ATP10B: variants seen among roughly 807,000 people sequenced by gnomAD.
The protein encoded by ATP10B is phospholipid-transporting ATPase VB.
A neutral mutation model predicts 141.2 loss-of-function variants in ATP10B; 122 were observed. The ratio of observed to expected loss-of-function variants is 0.86; its 90% confidence interval spans 0.75 to 1.00. ATP10B has a LOEUF of 1.00. ATP10B is among the 50% of genes least tolerant of loss of function. The probability of loss-of-function intolerance (pLI) is 0.00; values close to 1 mark genes in which losing one functional copy is unlikely to be tolerated. For missense variants in ATP10B, 1,876 were observed against 1,825.3 expected (o/e 1.03, Z -0.51); for synonymous variants, 685 against 692.0 (o/e 0.99, Z 0.16).
chr5:160,683,302 G>A (rs1322349327), intron 6 of ATP10B, among the ~76,000 whole-genome samples: 6 of 152,156 alleles, frequency 3.9e-5, no homozygotes, highest in Admixed American at 2.6e-4. Context: ...GTGCAACTGT[G>A]TCCCTCCAAG....
upstream of ATP10B, among the ~76,000 whole-genome samples, chr5:160,854,900 G>C (rs1470509434): frequency 1.3e-5 from 2 of 152,054 alleles, no homozygotes; most frequent in Non-Finnish European, 2.9e-5. Context: ...TATTCTACGA[G>C]AGAGAAAATG....
chr5:160,845,833 CTG>C (rs1776085776), intron 1 of ATP10B, among the ~76,000 whole-genome samples: 1 of 152,046 alleles, frequency 6.6e-6, no homozygotes, highest in South Asian at 2.1e-4. Context: ...ACACCAAAGA[CTG>C]TTAATTATTG....
intron 1 of ATP10B, among the ~76,000 whole-genome samples, chr5:160,838,357 C>G (rs1775593728): frequency 1.3e-5 from 2 of 152,150 alleles, no homozygotes; most frequent in South Asian, 4.1e-4. Context: ...TGGAAAGAAT[C>G]TAGAGAAAAA....
the ATP10B span, among the ~76,000 whole-genome samples, chr5:160,874,739 A>G: frequency 1.3e-5 from 2 of 152,238 alleles, no homozygotes; most frequent in South Asian, 2.1e-4. Flanking sequence ...TGAAGAATGC[A>G]GAAGCCTCAG....
intron 24 of ATP10B, among the ~76,000 whole-genome samples, chr5:160,579,003 G>A (rs1375025019): frequency 6.6e-6 from 1 of 152,148 alleles, no homozygotes; most frequent in Non-Finnish European, 1.5e-5. Context: ...ATCTGTTCAT[G>A]TCCTTTGTGT....
chr5:160,687,089 G>A, intron 5 of ATP10B: 1 of 328,882 alleles, frequency 3.0e-6, no homozygotes, highest in Non-Finnish European at 4.4e-6. Flanking sequence ...TCTCTTTCAT[G>A]TTGTACTTCA....
At chr5:160,855,158 G>T (rs1753964921), upstream of ATP10B, among the ~76,000 whole-genome samples, 1 of 152,046 alleles carries the variant, frequency 6.6e-6, no homozygotes, top group Admixed American at 6.6e-5. Flanking sequence ...TGCTTGTTTA[G>T]TATTTTAATC....
At chr5:160,602,790 G>A in intron 20 of ATP10B, 88 bp from the exon 21 acceptor site, 2 of 1,577,538 alleles carry the variant, frequency 1.3e-6, no homozygotes, top group Non-Finnish European at 1.7e-6. Flanking sequence ...TTTGGTCTAG[G>A]CCTACGGCCA....
intron 7 of ATP10B, among the ~76,000 whole-genome samples, chr5:160,661,923 T>C (rs1299755783): frequency 1.3e-5 from 2 of 152,220 alleles, no homozygotes; most frequent in African/African-American, 4.8e-5. Context: ...CAAAATCTCC[T>C]TAAGCTGACA....
chr5:160,686,025 G>A, intron 6 of ATP10B, 54 bp downstream of exon 6: 1 of 1,326,996 alleles, frequency 7.5e-7, no homozygotes, highest in Non-Finnish European at 1.0e-6. Flanking sequence ...AGGCTATGCT[G>A]ATGAGTTTGC....
intron 2 of ATP10B, among the ~76,000 whole-genome samples, chr5:160,773,984 C>T (rs1477520042): frequency 2.6e-5 from 4 of 152,270 alleles, no homozygotes; most frequent in Middle Eastern, 3.4e-3. Flanking sequence ...GGAGCTTTTG[C>T]GGAGTCATCA....
intron 2 of ATP10B, among the ~76,000 whole-genome samples, chr5:160,772,681 G>T (rs183797923): frequency 6.6e-6 from 1 of 152,136 alleles, no homozygotes; most frequent in Non-Finnish European, 1.5e-5. Context: ...GATCTGACAG[G>T]GGGTGGAGCT....
At chr5:160,611,016 T>TA (rs1286974614) in intron 18 of ATP10B, among the ~76,000 whole-genome samples, 1 of 152,218 alleles carries the variant, frequency 6.6e-6, no homozygotes, top group Non-Finnish European at 1.5e-5. Flanking sequence ...GTAACTACAT[T>TA]AAACTAGGGT....
At chr5:160,786,042 G>T (rs1771124629) in intron 1 of ATP10B, among the ~76,000 whole-genome samples, 1 of 152,146 alleles carries the variant, frequency 6.6e-6, no homozygotes, top group East Asian at 1.9e-4. Flanking sequence ...TGGTCCCAGA[G>T]ATCCTCAGCT....
intron 2 of ATP10B, among the ~76,000 whole-genome samples, chr5:160,737,747 G>A (rs192803434): frequency 1.0e-3 from 159 of 152,072 alleles, no homozygotes; most frequent in Non-Finnish European, 2.0e-3. Flanking sequence ...ATATTAAAAG[G>A]ATCAATCATT....
intron 19 of ATP10B, 62 bp downstream of exon 19, chr5:160,606,703 G>C: frequency 6.5e-7 from 1 of 1,536,206 alleles, no homozygotes. Context: ...CCCACCTCTG[G>C]TCCAGCCTTT....
chr5:160,900,092 T>C, the ATP10B span, among the ~76,000 whole-genome samples: 1 of 152,130 alleles, frequency 6.6e-6, no homozygotes, highest in Non-Finnish European at 1.5e-5. Flanking sequence ...GTAGCTCCTG[T>C]AGAAAATCCA....
chr5:160,728,608 T>C (rs1359875452), intron 2 of ATP10B, among the ~76,000 whole-genome samples: 2 of 152,168 alleles, frequency 1.3e-5, no homozygotes, highest in African/African-American at 4.8e-5. Context: ...TTTTAATTGG[T>C]GCCCTTTCCA....
In ATP10B at chr5:160,634,504, A is replaced by C. The variant is rs376197036; in HGVS notation, c.1231T>G (p.Leu411Val). The change falls in exon 12 of 26, where the codon TTA (leucine) becomes GTA (valine). Residue 411 changes from leucine (L) to valine (V), a missense_variant. Coordinates refer to ENST00000327245, the MANE Select transcript of ATP10B (RefSeq NM_025153.3). Reference sequence around the variant, plus strand: ...TTGAGGGCTCGACATTGAATGGATAAATCGGTCTCTTCATCATACAGGTCA... The same window carrying C: ...TTGAGGGCTCGACATTGAATGGATACATCGGTCTCTTCATCATACAGGTCA... Reference protein sequence around the residue: ...DLDLYDEETDLSIQCRALNIA... With the variant: ...DLDLYDEETDVSIQCRALNIA... 22 of 1,614,180 alleles carry C rather than the reference A, an allele frequency of 1.4e-5. No individual in the cohort carries two copies. Among genetic ancestry groups the C allele is most frequent in the Non-Finnish European group, 1.6e-5 (19 of 1,180,008 alleles).
Sources: allele counts gnomAD v4.1 joint callset (sites outside exome capture counted in the v4.1 genomes callset), GRCh38; gene constraint gnomAD v4.1.1; transcripts MANE v1.5; gene names NCBI Gene and HGNC (gene_info 2026-07-23, HGNC 2026-07-21).